TRIM71: variants seen among roughly 807,000 people sequenced by gnomAD.
TRIM71 encodes the protein tripartite motif containing 71.
TRIM71 carries 9 observed loss-of-function variants against 61.2 expected under a neutral mutation model. That is an observed-to-expected ratio of 0.15 (90% CI 0.09 to 0.26). The LOEUF is 0.26. Ranked by LOEUF, TRIM71 falls within the 10% of genes least tolerant of loss-of-function variation. The pLI is 1.00. For synonymous variants in TRIM71, 645 were observed against 553.2 expected (o/e 1.17, Z -2.33); for missense variants, 998 against 1,238.7 (o/e 0.81, Z 2.92).
intron 1 of TRIM71, among the ~76,000 whole-genome samples, chr3:32,843,017 C>T (rs145482188): frequency 2.5e-3 from 292 of 114,766 alleles, no homozygotes; most frequent in African/African-American, 8.9e-3. Flanking sequence ...AATTGGAGGG[C>T]GGGGGTGGGA....
At position 32,890,938 on chromosome 3, in the gene TRIM71, G is replaced by A. The variant is rs1016403020; in HGVS notation, c.1734G>A (p.Val578=). The change falls in exon 4 of 4, where the codon GTG becomes GTA. Residue 578 remains valine (V), a synonymous_variant. Transcript: ENST00000383763. This position sits in a 1 kb window ranked among gnomAD's most constrained non-coding sequence, Gnocchi z 6.2. ...NQHIENSPFK[V]VVKSGRSYVG... Reference sequence around the variant, plus strand: ...ACATTGAGAACAGCCCTTTCAAGGTGGTGGTCAAGTCAGGCCGCAGCTACG... The same window carrying A: ...ACATTGAGAACAGCCCTTTCAAGGTAGTGGTCAAGTCAGGCCGCAGCTACG... The A allele has an allele frequency of 6.2e-7, 1 of 1,614,220 alleles. No homozygotes were observed. The highest frequency in any genetic ancestry group is 8.5e-7 in the Non-Finnish European group (1 of 1,180,052).
chr3:32,829,185 CTTTTT>C (rs71630549), intron 1 of TRIM71, among the ~76,000 whole-genome samples: 1 of 129,786 alleles, frequency 7.7e-6, no homozygotes, highest in Non-Finnish European at 1.6e-5. Context: ...TTTTTCTTTT[CTTTTT>C]TTTTTTTTTT....
chr3:32,875,691 G>A (rs746190757), intron 2 of TRIM71, among the ~76,000 whole-genome samples: 19 of 151,964 alleles, frequency 1.3e-4, no homozygotes, highest in African/African-American at 2.2e-4. Flanking sequence ...AAAATTAGCC[G>A]GGTGTGGTGT....
chr3:32,841,238 C>CT (rs531767856), intron 1 of TRIM71, among the ~76,000 whole-genome samples: 60 of 152,002 alleles, frequency 3.9e-4, no homozygotes, highest in African/African-American at 1.3e-3. Context: ...GAGCGAGACT[C>CT]TGTCTCAAAA....
chr3:32,887,628 C>T (rs189997917), intron 3 of TRIM71, among the ~76,000 whole-genome samples: 173 of 152,096 alleles, frequency 1.1e-3, no homozygotes, highest in Non-Finnish European at 2.0e-3. Flanking sequence ...TAAGATAACC[C>T]TGTTGTAAAT....
intron 1 of TRIM71, among the ~76,000 whole-genome samples, chr3:32,847,644 A>G (rs1426771483): frequency 6.6e-6 from 1 of 152,232 alleles, no homozygotes; most frequent in Non-Finnish European, 1.5e-5. Context: ...ACATTTGGCA[A>G]GTACACATTG....
At chr3:32,859,036 G>A (rs1398265115) in intron 1 of TRIM71, among the ~76,000 whole-genome samples, 2 of 152,120 alleles carry the variant, frequency 1.3e-5, no homozygotes. Flanking sequence ...GGGCAGAAGT[G>A]TGGGGTTTCT....
intron 1 of TRIM71, among the ~76,000 whole-genome samples, chr3:32,863,733 G>T (rs1340314828): frequency 6.6e-6 from 1 of 152,088 alleles, no homozygotes; most frequent in Admixed American, 6.6e-5. Context: ...CCAGGCTGGA[G>T]TGCAGTGGTG....
At chr3:32,849,531 G>A (rs1696515227) in intron 1 of TRIM71, among the ~76,000 whole-genome samples, 1 of 151,998 alleles carries the variant, frequency 6.6e-6, no homozygotes, top group African/African-American at 2.4e-5. Context: ...GCTAATTTTT[G>A]TATTTTTAGT....
rs202063780 is a variant in TRIM71 at position 32,890,667 on chromosome 3, A to G, written c.1463A>G (p.Lys488Arg). Residue 488 changes from lysine (K) to arginine (R), a missense_variant, in exon 4 of 4, where the codon AAG becomes AGG. By Grantham distance (26) the Lys-to-Arg change is conservative (BLOSUM62 2). Around this residue, in one of 5 missense-constraint regions of TRIM71, gnomAD observed 291 missense variants for 431.2 expected, o/e 0.67. Coordinates refer to ENST00000383763, the MANE Select transcript of TRIM71 (RefSeq NM_001039111.3). The surrounding 1 kb of genome is among the most constrained non-coding windows in gnomAD (Gnocchi z 6.2). ...AGCGGGGCCTTTGCCCCACTCACCA[A>G]GGCCACAGGCGATGGCCTCAAGCGT... Reference protein sequence around the residue: ...VSSGAFAPLTKATGDGLKRAL... With the variant: ...VSSGAFAPLTRATGDGLKRAL... 1.6e-4 allele frequency: 261 copies of G among 1,613,850 alleles called. No individual in the cohort carries two copies. The highest frequency in any genetic ancestry group is 2.1e-4 in the Non-Finnish European group (250 of 1,180,042).
chr3:32,869,678 C>CGGCCTA (rs1696775543), intron 1 of TRIM71, among the ~76,000 whole-genome samples: 1 of 152,230 alleles, frequency 6.6e-6, no homozygotes, highest in Non-Finnish European at 1.5e-5. Context: ...CCATTCCTCC[C>CGGCCTA]GGCCTAGTCT....
At chr3:32,835,728 T>C (rs1207810759) in intron 1 of TRIM71, among the ~76,000 whole-genome samples, 1 of 152,198 alleles carries the variant, frequency 6.6e-6, no homozygotes, top group Non-Finnish European at 1.5e-5. Context: ...TCTTTTATCC[T>C]AGGAAGTAAC....
chr3:32,884,554 AG>A (rs1461896119), intron 2 of TRIM71, among the ~76,000 whole-genome samples: 10 of 141,146 alleles, frequency 7.1e-5, no homozygotes, highest in African/African-American at 2.6e-4. Context: ...AAAAAAAAAA[AG>A]AAAGAAAAAG....
intron 1 of TRIM71, among the ~76,000 whole-genome samples, chr3:32,854,772 G>A (rs1696577580): frequency 6.6e-6 from 1 of 152,174 alleles, no homozygotes; most frequent in African/African-American, 2.4e-5. Flanking sequence ...TAGAGCTATT[G>A]CATAAGCCGT....
chr3:32,825,733 A>G (rs922642175), intron 1 of TRIM71, among the ~76,000 whole-genome samples: 1 of 152,206 alleles, frequency 6.6e-6, no homozygotes, highest in Admixed American at 6.5e-5. Context: ...AGTTGCCTTA[A>G]GGGAGCAAGA....
chr3:32,875,763 A>G (rs1361949986), intron 2 of TRIM71, among the ~76,000 whole-genome samples: 3 of 152,018 alleles, frequency 2.0e-5, no homozygotes, highest in Non-Finnish European at 2.9e-5. Flanking sequence ...TTGAGCCCCA[A>G]AGGTGGAGGT....
At chr3:32,849,429 G>A (rs768825347) in intron 1 of TRIM71, among the ~76,000 whole-genome samples, 4 of 151,970 alleles carry the variant, frequency 2.6e-5, no homozygotes, top group Admixed American at 6.6e-5. Flanking sequence ...TGCGATCTGA[G>A]CTCACTGCAA....
chr3:32,830,685 A>G (rs756962101), intron 1 of TRIM71, among the ~76,000 whole-genome samples: 1 of 152,164 alleles, frequency 6.6e-6, no homozygotes, highest in Admixed American at 6.5e-5. Flanking sequence ...TCAACTTCCA[A>G]TGAGTTATGC....
At chr3:32,852,223 A>G (rs1696546909) in intron 1 of TRIM71, among the ~76,000 whole-genome samples, 1 of 152,164 alleles carries the variant, frequency 6.6e-6, no homozygotes, top group African/African-American at 2.4e-5. Context: ...GTCACGGCCT[A>G]AACTGGAGCG....
Sources: allele counts gnomAD v4.1 joint callset (sites outside exome capture counted in the v4.1 genomes callset), GRCh38; gene constraint gnomAD v4.1.1; regional missense constraint gnomAD v4.1.1; non-coding constraint Gnocchi (gnomAD v3.1); transcripts MANE v1.5; gene names NCBI Gene and HGNC (gene_info 2026-07-23, HGNC 2026-07-21).